CDH13: variants seen among roughly 807,000 people sequenced by gnomAD.
CDH13 encodes the protein cadherin-13.
A neutral mutation model predicts 63.8 loss-of-function variants in CDH13; 24 were observed. The observed-to-expected ratio is 0.38, with a 90% CI of 0.27 to 0.53. The LOEUF (loss-of-function observed/expected upper bound fraction) is 0.53, where lower values mean the gene tolerates loss of function less well. Ranked by LOEUF, CDH13 falls within the 20% of genes least tolerant of loss-of-function variation. CDH13 has a pLI of 0.85. For synonymous variants in CDH13, 503 were observed against 355.3 expected, an observed-to-expected ratio of 1.42 and a Z score of -4.67; for missense variants, 1,049 against 903.1, an observed-to-expected ratio of 1.16 and a Z score of -2.07.
intron 1 of CDH13, among the ~76,000 whole-genome samples, chr16:82,679,150 TTGCAA>T (rs1914264375): frequency 6.6e-6 from 1 of 152,306 alleles, no homozygotes; most frequent in East Asian, 1.9e-4. Flanking sequence ...TTCCCAAACT[TTGCAA>T]GCATGTGTCA....
intron 1 of CDH13, among the ~76,000 whole-genome samples, chr16:82,792,612 C>T (rs1027165821): frequency 6.6e-5 from 10 of 152,246 alleles, no homozygotes; most frequent in African/African-American, 2.2e-4. Flanking sequence ...GCCACTGCAT[C>T]CCCAACTCTG....
intron 3 of CDH13, among the ~76,000 whole-genome samples, chr16:83,075,121 G>C (rs1008892080): frequency 6.6e-6 from 1 of 152,158 alleles, no homozygotes. Flanking sequence ...GTCTCTTAGA[G>C]AGTCCCCAGT....
intron 10 of CDH13, among the ~76,000 whole-genome samples, chr16:83,740,647 A>G (rs1319946993): frequency 6.6e-6 from 1 of 152,180 alleles, no homozygotes; most frequent in African/African-American, 2.4e-5. Flanking sequence ...GCAGATGTCC[A>G]CAGGATTTCA....
At chr16:82,835,792 C>T (rs2038742704) in intron 1 of CDH13, among the ~76,000 whole-genome samples, 2 of 152,174 alleles carry the variant, frequency 1.3e-5, no homozygotes, top group Non-Finnish European at 2.9e-5. Flanking sequence ...TGCATGTTTG[C>T]CTCCAGCAAA....
chr16:82,971,158 C>G (rs1000778210), intron 2 of CDH13, among the ~76,000 whole-genome samples: 1 of 152,192 alleles, frequency 6.6e-6, no homozygotes, highest in Non-Finnish European at 1.5e-5. Context: ...CTCCCTCACC[C>G]TTCGAATGCG....
chr16:83,551,821 G>C (rs185883614), intron 7 of CDH13, among the ~76,000 whole-genome samples: 233 of 152,278 alleles, frequency 1.5e-3, no homozygotes, highest in African/African-American at 5.2e-3. Context: ...CAAGTCAGGG[G>C]CCATAACATC....
At chr16:82,825,884 TG>T (rs1269961001) in intron 1 of CDH13, 2 of 151,030 alleles carry the variant, frequency 1.3e-5, no homozygotes, top group African/African-American at 2.4e-5. Flanking sequence ...AGGCAAACTC[TG>T]ACTCTGACAC....
intron 5 of CDH13, among the ~76,000 whole-genome samples, chr16:83,318,866 C>CTA (rs1005938198): frequency 2.0e-5 from 3 of 152,012 alleles, no homozygotes; most frequent in African/African-American, 7.3e-5. Flanking sequence ...TGATCGAATC[C>CTA]TGTGCTAGAT....
chr16:83,741,797 C>T (rs919571424), intron 10 of CDH13, among the ~76,000 whole-genome samples: 2 of 144,702 alleles, frequency 1.4e-5, no homozygotes, highest in African/African-American at 5.8e-5. Flanking sequence ...GGGTCCCCAA[C>T]CCCTGGGCCA....
At chr16:82,706,930 CCT>C (rs1171705914) in intron 1 of CDH13, among the ~76,000 whole-genome samples, 5 of 152,144 alleles carry the variant, frequency 3.3e-5, no homozygotes, top group African/African-American at 1.2e-4. Flanking sequence ...CTAGTTTAGC[CCT>C]CTCTTCTAGA....
chr16:82,912,717 G>A (rs2151266987), intron 2 of CDH13, among the ~76,000 whole-genome samples: 1 of 152,326 alleles, frequency 6.6e-6, no homozygotes, highest in Non-Finnish European at 1.5e-5. Context: ...GCCGAGGTGG[G>A]CGGATCACGA....
chr16:82,813,484 AG>A (rs2037551965), intron 1 of CDH13, among the ~76,000 whole-genome samples: 2 of 152,200 alleles, frequency 1.3e-5, no homozygotes, highest in Admixed American at 6.5e-5. Context: ...AAGTGGTATT[AG>A]CTGGCTGTCT....
intron 1 of CDH13, chr16:82,829,137 C>T (rs1212511643): frequency 1.3e-5 from 2 of 152,122 alleles, no homozygotes; most frequent in Non-Finnish European, 2.9e-5. Flanking sequence ...TCATCAGAGT[C>T]AAGTCATTCT....
intron 7 of CDH13, among the ~76,000 whole-genome samples, chr16:83,563,823 C>G (rs1032936611): frequency 4.6e-5 from 7 of 152,136 alleles, no homozygotes; most frequent in Non-Finnish European, 1.0e-4. Context: ...GACCTACCAT[C>G]TCTCTCGGTA....
intron 1 of CDH13, among the ~76,000 whole-genome samples, chr16:82,781,440 C>T (rs1263576205): frequency 3.3e-5 from 5 of 151,972 alleles, no homozygotes; most frequent in Non-Finnish European, 7.4e-5. Context: ...AACTTGATGG[C>T]TAAGGTCATT....
intron 4 of CDH13, among the ~76,000 whole-genome samples, chr16:83,194,426 A>G (rs1212904124): frequency 6.6e-6 from 1 of 152,240 alleles, no homozygotes; most frequent in Non-Finnish European, 1.5e-5. Context: ...TGCCTCCATT[A>G]GAGAAAAAGG....
chr16:83,275,581 A>G (rs866337409), intron 5 of CDH13, among the ~76,000 whole-genome samples: 117 of 10,448 alleles, frequency 0.011, no homozygotes, highest in African/African-American at 0.064. Flanking sequence ...GAAAGCGTGT[A>G]TAGGAGGGGC....
At chr16:83,369,907 A>G (rs1597850752) in intron 6 of CDH13, among the ~76,000 whole-genome samples, 1 of 152,188 alleles carries the variant, frequency 6.6e-6, no homozygotes, top group East Asian at 1.9e-4. Context: ...TGAATGGTAA[A>G]CTCAACCACC....
At chr16:83,537,260 G>C (rs1320251059) in intron 7 of CDH13, among the ~76,000 whole-genome samples, 3 of 152,164 alleles carry the variant, frequency 2.0e-5, no homozygotes, top group African/African-American at 7.2e-5. Flanking sequence ...GAGCGATTTT[G>C]CATGACTTTC....
Sources: gnomAD v4.1 joint callset for allele counts (sites outside exome capture counted in the v4.1 genomes callset) on GRCh38, gnomAD v4.1.1 for gene constraint, MANE v1.5 for transcripts, NCBI Gene and HGNC (gene_info 2026-07-23, HGNC 2026-07-21) for gene names.